The following KIF26B variants were observed in gnomAD, a reference collection of about 807,000 sequenced individuals.
The protein encoded by KIF26B is kinesin-like protein KIF26B.
In KIF26B, 63 loss-of-function variants were observed where a neutral mutation model predicts 151.2. The observed-to-expected ratio is 0.42, with a 90% CI of 0.34 to 0.51. The LOEUF (loss-of-function observed/expected upper bound fraction) is 0.51. Among genes scored for constraint, KIF26B ranks in the 20% least tolerant of loss-of-function variants. The pLI is 0.07. For missense variants in KIF26B, 2,813 were observed against 2,913.6 expected (o/e 0.97, Z 0.79); for synonymous variants, 1,357 against 1,262.1 (o/e 1.08, Z -1.59).
intron 12 of KIF26B, among the ~76,000 whole-genome samples, chr1:245,690,250 G>A (rs895603846): frequency 2.6e-5 from 4 of 152,190 alleles, no homozygotes; most frequent in Admixed American, 1.3e-4. Flanking sequence ...AAGCCAGGGC[G>A]GCCGGGTTCC....
chr1:245,165,410 C>T (rs543416758), intron 2 of KIF26B, among the ~76,000 whole-genome samples: 28 of 152,178 alleles, frequency 1.8e-4, no homozygotes, highest in African/African-American at 6.3e-4. Context: ...GCCCAGTGTT[C>T]GAGGATGGCT....
chr1:245,296,829 G>A (rs1050028718), intron 2 of KIF26B, among the ~76,000 whole-genome samples: 1 of 152,164 alleles, frequency 6.6e-6, no homozygotes, highest in Non-Finnish European at 1.5e-5. Flanking sequence ...CTCATCTCAG[G>A]ACTGTACTTC....
chr1:245,634,375 A>G (rs2043812857), intron 9 of KIF26B, among the ~76,000 whole-genome samples: 1 of 152,214 alleles, frequency 6.6e-6, no homozygotes, highest in Admixed American at 6.5e-5. Context: ...TTAAATGGAA[A>G]CGGTGAGAGT....
intron 3 of KIF26B, among the ~76,000 whole-genome samples, chr1:245,385,760 T>G (rs889956927): frequency 6.6e-6 from 1 of 152,002 alleles, no homozygotes; most frequent in Admixed American, 6.6e-5. Context: ...AGGCAGGTAG[T>G]GGGGAAGGCT....
At chr1:245,215,676 G>A (rs1032931653) in intron 2 of KIF26B, among the ~76,000 whole-genome samples, 1 of 152,222 alleles carries the variant, frequency 6.6e-6, no homozygotes, top group South Asian at 2.1e-4. Context: ...CTCCTGAGAG[G>A]CTTACAGCCC....
chr1:245,471,330 C>G (rs1008299219), intron 4 of KIF26B, among the ~76,000 whole-genome samples: 1 of 152,152 alleles, frequency 6.6e-6, no homozygotes, highest in Middle Eastern at 3.4e-3. Context: ...GACGGGGTTT[C>G]ATCATGTCGG....
At chr1:245,696,967 C>T (rs748827517) in intron 12 of KIF26B, among the ~76,000 whole-genome samples, 4 of 152,172 alleles carry the variant, frequency 2.6e-5, no homozygotes, top group South Asian at 2.1e-4. Flanking sequence ...AAAAATTAGC[C>T]GTGCGTGGTA....
At chr1:245,246,811 T>C (rs1050432072) in intron 2 of KIF26B, among the ~76,000 whole-genome samples, 1 of 151,872 alleles carries the variant, frequency 6.6e-6, no homozygotes, top group African/African-American at 2.4e-5. Context: ...CTGGGTTCTT[T>C]GGAGACATTA....
Position 245,698,690 on chromosome 1 carries a change from AATGGTCTG to A in KIF26B, c.6028-196_6028-189del, listed in dbSNP as rs2044727348. Among the ~76,000 whole-genome samples the A allele has an allele frequency of 2.0e-5, 3 of 151,060 alleles. No individual in the cohort carries two copies. In the South Asian group the frequency reaches 6.2e-4, roughly 31 times the overall value. ...CAAAAATGGTCTGTCATAGTCCAAG[AATGGTCTG>A]TCATAGTCCTACCTTGTGAGGTGTC... On this transcript the variant is annotated intron_variant, in intron 13 of 14. Transcript: ENST00000407071. This position sits in a 1 kb window ranked among gnomAD's most constrained non-coding sequence, Gnocchi z 4.0.
At chr1:245,519,905 C>T (rs1420518590) in intron 4 of KIF26B, among the ~76,000 whole-genome samples, 2 of 152,072 alleles carry the variant, frequency 1.3e-5, no homozygotes, top group East Asian at 1.9e-4. Flanking sequence ...TTTGGTTTAG[C>T]CCATGTTTTT....
chr1:245,329,058 C>T (rs767632554), intron 2 of KIF26B, among the ~76,000 whole-genome samples: 1 of 152,156 alleles, frequency 6.6e-6, no homozygotes, highest in African/African-American at 2.4e-5. Flanking sequence ...CTGGATATTG[C>T]TAGAAAACAC....
At chr1:245,396,236 G>A (rs75517246) in intron 3 of KIF26B, among the ~76,000 whole-genome samples, 2,167 of 152,142 alleles carry the variant, frequency 0.014, 45 homozygotes, top group African/African-American at 0.043. Context: ...ACTTCTCTCC[G>A]GTGCTCCAAA....
intron 2 of KIF26B, among the ~76,000 whole-genome samples, chr1:245,178,328 G>A (rs1021898678): frequency 6.6e-6 from 1 of 152,164 alleles, no homozygotes; most frequent in South Asian, 2.1e-4. Flanking sequence ...TTTAAAATAA[G>A]AGGAGCGGTG....
At chr1:245,420,771 A>G (rs144045656) in intron 4 of KIF26B, among the ~76,000 whole-genome samples, 11 of 152,330 alleles carry the variant, frequency 7.2e-5, no homozygotes, top group Non-Finnish European at 1.6e-4. Context: ...AGAAATGGTT[A>G]CTACTATGTC....
chr1:245,254,725 C>T (rs776131477), intron 2 of KIF26B, among the ~76,000 whole-genome samples: 20 of 152,200 alleles, frequency 1.3e-4, no homozygotes, highest in African/African-American at 4.8e-4. Context: ...TTCTGATGCC[C>T]CACATGAGGC....
chr1:245,611,800 A>G lies in KIF26B; in HGVS notation c.1922A>G (p.Asn641Ser), dbSNP rs749916180. The change falls in exon 9 of 15, where the codon AAC (asparagine) becomes AGC (serine). Residue 641 changes from asparagine to serine, a missense_variant. Asn to Ser is a conservative substitution (Grantham distance 46). Coordinates refer to ENST00000407071, the MANE Select transcript of KIF26B (RefSeq NM_018012.4). ...EDPICGTQLQ[N>S]QSELRAPTAE... ...TTGGCTTCTGTCTTCCAGCTGCAGA[A>G]CCAGAGCGAGCTGCGGGCCCCCACC... 1 of 1,613,510 alleles carries G rather than the reference A, an allele frequency of 6.2e-7. No individual in the cohort carries two copies. Among genetic ancestry groups the G allele is most frequent in the South Asian group, 1.1e-5 (1 of 91,040 alleles).
intron 4 of KIF26B, among the ~76,000 whole-genome samples, chr1:245,460,013 T>C (rs1177422915): frequency 6.6e-6 from 1 of 152,158 alleles, no homozygotes; most frequent in Non-Finnish European, 1.5e-5. Context: ...ACAGTCTCGC[T>C]CTATCATCTA....
At position 245,698,010 on chromosome 1, in the gene KIF26B, C is replaced by A; in HGVS notation, c.5825-96C>A. 1 of 1,184,472 alleles carries A rather than the reference C, an allele frequency of 8.4e-7. No homozygotes were observed. The highest frequency in any genetic ancestry group is 1.2e-6 in the Non-Finnish European group (1 of 847,500). The allele number at this position is 1,184,472 out of a possible 1,614,324, so 73.4% of individuals were successfully genotyped here. A position where few individuals can be genotyped will look rare whatever the true frequency, so the allele number is the denominator to read the frequency against. On this transcript the variant is annotated intron_variant, in intron 12 of 14. Coordinates refer to ENST00000407071, the MANE Select transcript of KIF26B (RefSeq NM_018012.4). The surrounding 1 kb of genome is among the most constrained non-coding windows in gnomAD (Gnocchi z 4.0). ...GAGCTATGGATCGCACCACTGCACT[C>A]CAGCCTGGGCAACAGAGCAAGACCC...
intron 10 of KIF26B, among the ~76,000 whole-genome samples, chr1:245,673,036 C>G (rs2044308614): frequency 6.6e-6 from 1 of 151,586 alleles, no homozygotes; most frequent in Non-Finnish European, 1.5e-5. Context: ...GCGCTGCCAT[C>G]TTAGGCCCAG....
Sources: gnomAD v4.1 joint callset for allele counts (sites outside exome capture counted in the v4.1 genomes callset) on GRCh38, gnomAD v4.1.1 for gene constraint, Gnocchi (gnomAD v3.1) non-coding constraint, MANE v1.5 for transcripts, NCBI Gene and HGNC (gene_info 2026-07-23, HGNC 2026-07-21) for gene names.